KCNJ10: variants seen among roughly 807,000 people sequenced by gnomAD.
KCNJ10 encodes the protein ATP-sensitive inward rectifier potassium channel 10.
KCNJ10 carries 9 observed loss-of-function variants against 22.2 expected under a neutral mutation model. The ratio of observed to expected loss-of-function variants is 0.40; its 90% CI spans 0.24 to 0.71. KCNJ10 has a LOEUF of 0.71. Among genes scored for constraint, KCNJ10 ranks in the 30% least tolerant of loss-of-function variants. KCNJ10 has a pLI of 0.35. For synonymous variants in KCNJ10, 184 were observed against 187.3 expected, an observed-to-expected ratio of 0.98 and a Z score of 0.15; for missense variants, 337 against 482.7, an observed-to-expected ratio of 0.70 and a Z score of 2.83.
intron 1 of KCNJ10, among the ~76,000 whole-genome samples, chr1:160,057,112 C>G (rs1298470972): frequency 6.6e-6 from 1 of 152,190 alleles, no homozygotes; most frequent in Non-Finnish European, 1.5e-5. Flanking sequence ...GGCAATAAAA[C>G]CTTCCACTAT....
chr1:160,068,462 T>C (rs2101937904), intron 1 of KCNJ10, among the ~76,000 whole-genome samples: 1 of 152,030 alleles, frequency 6.6e-6, no homozygotes, highest in Non-Finnish European at 1.5e-5. Flanking sequence ...CAACACCCTC[T>C]CCCTCCCTTC....
rs1648620857 is a variant in KCNJ10 at position 160,042,092 on chromosome 1, A to G, written c.441T>C (p.Leu147=). Residue 147 remains leucine, a synonymous_variant, in exon 2 of 2, where the codon CTT becomes CTC. Coordinates refer to ENST00000644903, the MANE Select transcript of KCNJ10 (RefSeq NM_002241.5). ...TGGTGGTGAGCACCAGCTGGGCAAT[A>G]AGAAGCACAATGGCCAGTGGACATT... ...SEECPLAIVL[L]IAQLVLTTIL... 4 of 1,550,860 alleles carry G rather than the reference A, an allele frequency of 2.6e-6. No homozygotes were observed. In the East Asian group the frequency reaches 9.0e-5, roughly 35 times the overall value.
rs981173172 is a variant in KCNJ10 at position 160,042,281 on chromosome 1, C to G, written c.252G>C (p.Val84=). The G allele has an allele frequency of 6.2e-7, 1 of 1,614,058 alleles. No individual in the cohort carries two copies. The highest frequency in any genetic ancestry group is 1.3e-5 in the African/African-American group (1 of 75,036). Residue 84 remains valine (V), a synonymous_variant, in exon 2 of 2, where the codon GTG becomes GTC. Coordinates refer to ENST00000644903, the MANE Select transcript of KCNJ10 (RefSeq NM_002241.5). ...GTGCCACAGCTACCAGATACCACAC[C>G]ACGCCAAAGAGGAACCATGTGCCTG... The part of the protein sequence containing the change: ...TFAGTWFLFG[V]VWYLVAVAHG...
chr1:160,066,266 AG>A (rs1649320366), intron 1 of KCNJ10, among the ~76,000 whole-genome samples: 1 of 152,188 alleles, frequency 6.6e-6, no homozygotes, highest in East Asian at 1.9e-4. Flanking sequence ...GTGGGTGTGG[AG>A]ACCCCACCTC....
chr1:160,049,675 TTATATATATATATATATATATATA>T lies in KCNJ10; in HGVS notation c.1-7167_1-7144del, dbSNP rs57790887. 3.2e-4 allele frequency among the ~76,000 whole-genome samples: 15 copies of T among 47,114 alleles called. No homozygotes were observed. The East Asian group carries it at 4.1e-3, about 13-fold the overall frequency. The allele number at this position is 47,114 out of a possible 152,430, so 30.9% of individuals were successfully genotyped here. On this transcript the variant is annotated intron_variant, in intron 1 of 1. Transcript: ENST00000644903. ...AAGAAGGATCCAGCATTTTATTTATTTATATATATATATATATATATATATATATATATATATATATATATGTTA... is the reference window on the plus strand; with the variant it reads ...AAGAAGGATCCAGCATTTTATTTATTTATATATATATATATATATATGTTA...
At position 160,042,551 on chromosome 1, in the gene KCNJ10, C is replaced by T. The variant is rs1648637685; in HGVS notation, c.1-19G>A. ...ACGTCATCTGGAGGGAGCAAGACAG[C>T]ATAATGGAGGTTATCGTAGAAATCC... is the stretch of plus-strand genomic sequence containing the variant. On this transcript the variant is annotated intron_variant, in intron 1 of 1. Transcript: ENST00000644903. The T allele has an allele frequency of 1.2e-6, 2 of 1,610,552 alleles. No individual in the cohort carries two copies. The highest frequency in any genetic ancestry group is 1.1e-5 in the South Asian group (1 of 90,986).
At chr1:160,068,815 A>G (rs1214278647) in intron 1 of KCNJ10, among the ~76,000 whole-genome samples, 2 of 152,146 alleles carry the variant, frequency 1.3e-5, no homozygotes, top group Non-Finnish European at 2.9e-5. Flanking sequence ...AATTGAACTC[A>G]CTGGTGGCTG....
intron 1 of KCNJ10, among the ~76,000 whole-genome samples, chr1:160,066,077 G>T (rs941365199): frequency 6.6e-6 from 1 of 152,198 alleles, no homozygotes; most frequent in African/African-American, 2.4e-5. Context: ...GAGCAGGAAT[G>T]AGATGTGGGG....
chr1:160,061,503 C>G (rs1649191594), intron 1 of KCNJ10, among the ~76,000 whole-genome samples: 1 of 152,064 alleles, frequency 6.6e-6, no homozygotes, highest in Admixed American at 6.5e-5. Flanking sequence ...GCCCACCTAA[C>G]TGCTTCCATG....
chr1:160,065,498 G>A (rs544928511), intron 1 of KCNJ10, among the ~76,000 whole-genome samples: 2 of 152,320 alleles, frequency 1.3e-5, no homozygotes, highest in African/African-American at 4.8e-5. Context: ...CATGCATGGA[G>A]AACCCTGGGC....
intron 1 of KCNJ10, among the ~76,000 whole-genome samples, chr1:160,049,707 A>ATATT: frequency 8.0e-6 from 1 of 125,324 alleles, no homozygotes; most frequent in Non-Finnish European, 1.7e-5. Context: ...ATATATATAT[A>ATATT]TATATATATA....
chr1:160,040,948 G>A lies in KCNJ10; in HGVS notation c.*445C>T. ...TATTTCTGAAAGCACAGACCACAAA[G>A]TGACCATCAGAGAGAGTCTTGCCTT... On this transcript the variant is annotated 3_prime_UTR_variant, in exon 2 of 2. Coordinates refer to ENST00000644903, the MANE Select transcript of KCNJ10 (RefSeq NM_002241.5). 3.3e-6 allele frequency: 1 copy of A among 307,270 alleles called. No homozygotes were observed. The highest frequency in any genetic ancestry group is 6.1e-6 in the Non-Finnish European group (1 of 164,924). The allele number at this position is 307,270 out of a possible 1,614,324, so 19.0% of individuals were successfully genotyped here.
intron 1 of KCNJ10, among the ~76,000 whole-genome samples, chr1:160,059,440 C>T (rs527922752): frequency 2.0e-5 from 3 of 152,262 alleles, no homozygotes; most frequent in Admixed American, 2.0e-4. Flanking sequence ...TTATCTCTTC[C>T]TACAAGATCC....
rs67364310 is a variant in KCNJ10 at position 160,048,227 on chromosome 1, G to GGCCCCCCTGAGGGCTACAGTTTTTATCT, written c.1-5696_1-5695insAGATAAAAACTGTAGCCCTCAGGGGGGC. Among the ~76,000 whole-genome samples the GGCCCCCCTGAGGGCTACAGTTTTTATCT allele has an allele frequency of 3.9e-5, 6 of 152,066 alleles. No individual in the cohort carries two copies. The East Asian group carries it at 1.2e-3, about 29-fold the overall frequency. On this transcript the variant is annotated intron_variant, in intron 1 of 1. Coordinates refer to ENST00000644903, the MANE Select transcript of KCNJ10 (RefSeq NM_002241.5). ...TGAAAGCCTGATCTGGACGGGCCAA[G>GGCCCCCCTGAGGGCTACAGTTTTTATCT]GCCTCACAGGAGACACCTAGTTCAC...
Position 160,040,757 on chromosome 1 carries a change from C to A in KCNJ10, c.*636G>T. 1 of 399,518 alleles carries A rather than the reference C, an allele frequency of 2.5e-6. No homozygotes were observed. The highest frequency in any genetic ancestry group is 4.4e-6 in the Non-Finnish European group (1 of 226,670). The allele number at this position is 399,518 out of a possible 1,614,324, so 24.7% of individuals were successfully genotyped here. ...CAGAGGCTATGAGGGAACTGGGTAT[C>A]CTGAGAGTGTTCACTTGAGAAACTA... On this transcript the variant is annotated 3_prime_UTR_variant, in exon 2 of 2. Coordinates refer to ENST00000644903, the MANE Select transcript of KCNJ10 (RefSeq NM_002241.5).
In KCNJ10 at chr1:160,039,538, A is replaced by G. The variant is rs886045405; in HGVS notation, c.*1855T>C. On this transcript the variant is annotated 3_prime_UTR_variant, in exon 2 of 2. Coordinates refer to ENST00000644903, the MANE Select transcript of KCNJ10 (RefSeq NM_002241.5). ...TCTGTTCTCTGTTTCAGATTTTTCA[A>G]GTTTTTGTGGTTCTTGTTTTTATGC... 2.6e-5 allele frequency: 4 copies of G among 152,168 alleles called. No individual in the cohort carries two copies. The highest frequency in any genetic ancestry group is 9.7e-5 in the African/African-American group (4 of 41,442). 9.4% of individuals were successfully genotyped at this position (152,168 alleles called of 1,614,324 possible).
chr1:160,049,695 A>ATATATATATATATATATATATATT (rs1648851347), intron 1 of KCNJ10, among the ~76,000 whole-genome samples: 1 of 120,540 alleles, frequency 8.3e-6, no homozygotes, highest in South Asian at 2.6e-4. Flanking sequence ...ATATATATAT[A>ATATATATATATATATATATATATT]TATATATATA....
chr1:160,054,619 G>A (rs1040957159), intron 1 of KCNJ10, among the ~76,000 whole-genome samples: 2 of 152,196 alleles, frequency 1.3e-5, no homozygotes, highest in East Asian at 3.8e-4. Context: ...TCCGAGCTAG[G>A]TTAGGGAGAG....
chr1:160,053,650 C>T (rs973990284), intron 1 of KCNJ10, among the ~76,000 whole-genome samples: 4 of 151,944 alleles, frequency 2.6e-5, no homozygotes, highest in African/African-American at 4.8e-5. Flanking sequence ...GCCTGACTCT[C>T]CAGCTGAATC....
Sources: gnomAD v4.1 joint callset for allele counts (sites outside exome capture counted in the v4.1 genomes callset) on GRCh38, gnomAD v4.1.1 for gene constraint, MANE v1.5 for transcripts, NCBI Gene and HGNC (gene_info 2026-07-23, HGNC 2026-07-21) for gene names.